Variants in PLD5 observed in about 807,000 individuals in gnomAD.
The protein encoded by PLD5 is inactive phospholipase D5.
In PLD5, 36 loss-of-function variants were observed where a neutral mutation model predicts 61.1. The ratio of observed to expected loss-of-function variants is 0.59; its 90% confidence interval spans 0.45 to 0.78. The LOEUF (loss-of-function observed/expected upper bound fraction) is 0.78, where lower values mean the gene tolerates loss of function less well. Ranked by LOEUF, PLD5 falls within the 30% of genes least tolerant of loss-of-function variation. The pLI is 0.00. For missense variants in PLD5, 515 were observed against 644.4 expected (o/e 0.80, Z 2.17); for synonymous variants, 243 against 242.8 (o/e 1.00, Z -0.01).
intron 1 of PLD5, chr1:242,376,773 C>T (rs562000784): frequency 9.2e-6 from 7 of 761,286 alleles, no homozygotes; most frequent in Non-Finnish European, 1.5e-5. Flanking sequence ...ATATATACGA[C>T]GAGGTGAAGG....
At chr1:242,391,981 C>T (rs1396623042) in intron 1 of PLD5, among the ~76,000 whole-genome samples, 1 of 152,106 alleles carries the variant, frequency 6.6e-6, no homozygotes, top group African/African-American at 2.4e-5. Flanking sequence ...GCACCATTCA[C>T]AATAGCAAAG....
intron 7 of PLD5, 50 bp downstream of exon 7, chr1:242,113,840 T>G (rs761187977): frequency 2.5e-6 from 4 of 1,571,370 alleles, no homozygotes; most frequent in Non-Finnish European, 3.5e-6. Flanking sequence ...CCCAGTTTAG[T>G]GCCTGGTCTT....
chr1:242,402,174 G>C (rs1012087427), intron 1 of PLD5, among the ~76,000 whole-genome samples: 1 of 152,170 alleles, frequency 6.6e-6, no homozygotes, highest in Non-Finnish European at 1.5e-5. Context: ...AGTCAATTAT[G>C]TTTGTGACAG....
intron 4 of PLD5, among the ~76,000 whole-genome samples, chr1:242,231,326 G>A: frequency 6.6e-6 from 1 of 152,194 alleles, no homozygotes; most frequent in Admixed American, 6.5e-5. Context: ...ATCCGTTTTG[G>A]TGCCAGTGCT....
Position 242,163,661 on chromosome 1 carries a change from C to T in PLD5, c.736-38996G>A, listed in dbSNP as rs572739641. 1.4e-4 allele frequency among the ~76,000 whole-genome samples: 21 copies of T among 152,246 alleles called. No homozygotes were observed. In the Middle Eastern group the frequency reaches 0.01, roughly 74 times the overall value. On this transcript the variant is annotated intron_variant, in intron 5 of 9. Coordinates refer to ENST00000536534, the MANE Select transcript of PLD5 (RefSeq NM_001372062.1). ...CATTCATTCTATCTCCCAGCATTTT[C>T]CCTGTCTTTTTGTGTCTCAAGAATT...
At chr1:242,402,687 T>C (rs1664008294) in intron 1 of PLD5, among the ~76,000 whole-genome samples, 1 of 152,254 alleles carries the variant, frequency 6.6e-6, no homozygotes, top group Non-Finnish European at 1.5e-5. Flanking sequence ...ACCAGTATTT[T>C]GTTTTCTAAT....
chr1:242,191,282 G>A (rs998585477), intron 5 of PLD5, among the ~76,000 whole-genome samples: 4 of 152,026 alleles, frequency 2.6e-5, no homozygotes, highest in African/African-American at 9.7e-5. Flanking sequence ...TTTAAAAGAA[G>A]GTATTTAAAA....
At chr1:242,410,452 C>T (rs1664487106) in intron 1 of PLD5, among the ~76,000 whole-genome samples, 1 of 152,056 alleles carries the variant, frequency 6.6e-6, no homozygotes, top group South Asian at 2.1e-4. Flanking sequence ...TTTGAACTTA[C>T]TCCTTCATAT....
intron 5 of PLD5, among the ~76,000 whole-genome samples, chr1:242,188,112 T>C (rs1574478739): frequency 6.6e-6 from 1 of 152,098 alleles, no homozygotes; most frequent in Non-Finnish European, 1.5e-5. Flanking sequence ...CTAGGACACA[T>C]ATAAGTGGAA....
In PLD5 at chr1:242,190,793, T is replaced by C. The variant is rs6697261; in HGVS notation, c.735+29195A>G. ...GATGGCTATGTCTATTGTTACAGAATCCAGAGGAAGCTTTAGTCCAAGGAA... is the reference window on the plus strand; with the variant it reads ...GATGGCTATGTCTATTGTTACAGAACCCAGAGGAAGCTTTAGTCCAAGGAA... On this transcript the variant is annotated intron_variant, in intron 5 of 9. Coordinates refer to ENST00000536534, the MANE Select transcript of PLD5 (RefSeq NM_001372062.1). Among the ~76,000 whole-genome samples the C allele has an allele frequency of 6.5e-3, 982 of 152,122 alleles. 9 individuals carry two copies. Among genetic ancestry groups the C allele is most frequent in the African/African-American group, 0.023 (939 of 41,520 alleles).
In PLD5 at chr1:242,164,291, G is replaced by A. The variant is rs368291975; in HGVS notation, c.736-39626C>T. 1.1e-3 allele frequency among the ~76,000 whole-genome samples: 160 copies of A among 152,188 alleles called. 3 individuals are homozygous for A. In the South Asian group the frequency reaches 0.032, roughly 31 times the overall value. On this transcript the variant is annotated intron_variant, in intron 5 of 9. Transcript: ENST00000536534. ...GTCAGAAGCCCAAGTGAATGTGGGGGAAGTGACTGTTAAAACTAATTTTGT... is the reference window on the plus strand; with the variant it reads ...GTCAGAAGCCCAAGTGAATGTGGGGAAAGTGACTGTTAAAACTAATTTTGT...
At chr1:242,094,573 G>A (rs1214046280) in intron 9 of PLD5, among the ~76,000 whole-genome samples, 1 of 151,900 alleles carries the variant, frequency 6.6e-6, no homozygotes, top group East Asian at 1.9e-4. Context: ...TTTCTTCTAG[G>A]GTTGAGTATT....
intron 9 of PLD5, among the ~76,000 whole-genome samples, chr1:242,096,640 C>T (rs1254318283): frequency 6.6e-6 from 1 of 151,578 alleles, no homozygotes; most frequent in African/African-American, 2.4e-5. Context: ...CCATACCCAG[C>T]CTATTTAGTT....
At chr1:242,366,493 C>A (rs1661347115) in intron 1 of PLD5, among the ~76,000 whole-genome samples, 1 of 152,140 alleles carries the variant, frequency 6.6e-6, no homozygotes, top group African/African-American at 2.4e-5. Context: ...ATTTCTGCAG[C>A]AACCTAGATG....
chr1:242,388,931 G>A (rs1361042910), intron 1 of PLD5, among the ~76,000 whole-genome samples: 1 of 152,044 alleles, frequency 6.6e-6, no homozygotes, highest in South Asian at 2.1e-4. Context: ...CTCCAGGCTG[G>A]TGACAGAATG....
intron 1 of PLD5, among the ~76,000 whole-genome samples, chr1:242,385,580 C>G (rs1012547698): frequency 6.6e-6 from 1 of 152,154 alleles, no homozygotes; most frequent in Non-Finnish European, 1.5e-5. Flanking sequence ...CTCTCTCAAA[C>G]TGTCTTTTTC....
At chr1:242,184,755 C>T (rs1214452034) in intron 5 of PLD5, among the ~76,000 whole-genome samples, 1 of 152,218 alleles carries the variant, frequency 6.6e-6, no homozygotes, top group Non-Finnish European at 1.5e-5. Context: ...TTTTGGGACC[C>T]ACTGCACTAT....
chr1:242,209,636 T>C (rs953291998), intron 5 of PLD5, among the ~76,000 whole-genome samples: 2 of 150,836 alleles, frequency 1.3e-5, no homozygotes, highest in African/African-American at 4.8e-5. Flanking sequence ...TTGCATGTGT[T>C]CTGACTGCTC....
intron 1 of PLD5, among the ~76,000 whole-genome samples, chr1:242,523,254 TTC>T (rs1353568843): frequency 3.9e-5 from 6 of 152,218 alleles, no homozygotes; most frequent in Non-Finnish European, 8.8e-5. Flanking sequence ...CTTGAGATAA[TTC>T]TCTTAGTTTA....
Sources: gnomAD v4.1 joint callset for allele counts (sites outside exome capture counted in the v4.1 genomes callset) on GRCh38, gnomAD v4.1.1 for gene constraint, MANE v1.5 for transcripts, NCBI Gene and HGNC (gene_info 2026-07-23, HGNC 2026-07-21) for gene names.